SYN2: variants seen among roughly 807,000 people sequenced by gnomAD.
SYN2 encodes the protein synapsin II, also known as synapsin-2.
In SYN2, 19 loss-of-function variants were observed where a neutral mutation model predicts 50.9. That is an observed-to-expected ratio of 0.37 (90% CI 0.26 to 0.55). The LOEUF (loss-of-function observed/expected upper bound fraction) is 0.55. Ranked by LOEUF, SYN2 falls within the 20% of genes least tolerant of loss-of-function variation. The probability of loss-of-function intolerance (pLI) is 0.81; values close to 1 mark genes in which losing one functional copy is unlikely to be tolerated. For synonymous variants in SYN2, 255 were observed against 224.9 expected (o/e 1.13, Z -1.20); for missense variants, 587 against 576.4 (o/e 1.02, Z -0.19).
chr3:12,157,378 C>T (rs1559445073), intron 5 of SYN2: 1 of 1,613,856 alleles, frequency 6.2e-7, no homozygotes, highest in Non-Finnish European at 8.5e-7. Flanking sequence ...AGCCTGCCCC[C>T]ATGTACCTTT....
intron 1 of SYN2, 127 bp from the exon 2 acceptor site, chr3:12,140,524 A>G: frequency 1.4e-6 from 1 of 698,356 alleles, no homozygotes; most frequent in Non-Finnish European, 2.7e-6. Context: ...AATGTGGATC[A>G]GAACCCAGGT....
intron 1 of SYN2, among the ~76,000 whole-genome samples, chr3:12,069,762 C>T (rs1695303131): frequency 2.0e-5 from 3 of 151,502 alleles, no homozygotes; most frequent in Admixed American, 2.0e-4. Flanking sequence ...TATATTTATC[C>T]TACTGGGTGT....
At chr3:12,023,221 C>T (rs1399746471) in intron 1 of SYN2, among the ~76,000 whole-genome samples, 1 of 152,074 alleles carries the variant, frequency 6.6e-6, no homozygotes, top group Non-Finnish European at 1.5e-5. Flanking sequence ...AAATCATTGT[C>T]ATCACCATCA....
intron 1 of SYN2, among the ~76,000 whole-genome samples, chr3:12,008,665 C>T (rs1693851345): frequency 6.6e-6 from 1 of 152,170 alleles, no homozygotes; most frequent in East Asian, 1.9e-4. Flanking sequence ...CAACATATGC[C>T]AGATTTACTA....
At chr3:12,127,085 G>A (rs551231953) in intron 1 of SYN2, among the ~76,000 whole-genome samples, 1 of 152,256 alleles carries the variant, frequency 6.6e-6, no homozygotes, top group East Asian at 1.9e-4. Context: ...CATTACAACA[G>A]CACTACATAA....
intron 1 of SYN2, among the ~76,000 whole-genome samples, chr3:12,033,463 A>C (rs536154314): frequency 2.0e-4 from 30 of 152,242 alleles, no homozygotes; most frequent in Non-Finnish European, 4.0e-4. Context: ...TGTGAGGCAG[A>C]CTAGGGTACG....
At chr3:12,088,046 C>G (rs1242355876) in intron 1 of SYN2, among the ~76,000 whole-genome samples, 2 of 152,010 alleles carry the variant, frequency 1.3e-5, no homozygotes, top group Non-Finnish European at 2.9e-5. Flanking sequence ...GCGCAGGCAA[C>G]AAAAGCAAAA....
chr3:12,113,365 C>T (rs1030431671), intron 1 of SYN2, among the ~76,000 whole-genome samples: 1 of 151,392 alleles, frequency 6.6e-6, no homozygotes, highest in African/African-American at 2.4e-5. Context: ...ATGTAAAAGC[C>T]CTTAAAAAAG....
At chr3:12,055,022 T>C (rs908502026) in intron 1 of SYN2, among the ~76,000 whole-genome samples, 7 of 152,120 alleles carry the variant, frequency 4.6e-5, no homozygotes, top group Non-Finnish European at 1.0e-4. Context: ...GAGATCTGAA[T>C]GCCAAAATTA....
intron 10 of SYN2, among the ~76,000 whole-genome samples, chr3:12,175,305 A>T (rs996287368): frequency 7.2e-5 from 11 of 152,204 alleles, no homozygotes; most frequent in African/African-American, 2.7e-4. Context: ...TATTGGATTG[A>T]TGTCAGGATC....
intron 2 of SYN2, among the ~76,000 whole-genome samples, 170 bp downstream of exon 2, chr3:12,140,878 G>A (rs1697003349): frequency 6.6e-6 from 1 of 152,112 alleles, no homozygotes; most frequent in Non-Finnish European, 1.5e-5. Flanking sequence ...TGTCTGTGAG[G>A]CATGGTCCTG....
chr3:12,093,554 G>T (rs1367494591), intron 1 of SYN2, among the ~76,000 whole-genome samples: 1 of 152,142 alleles, frequency 6.6e-6, no homozygotes, highest in Admixed American at 6.5e-5. Flanking sequence ...TTAATAATGG[G>T]CTTAAATTTT....
chr3:12,004,863 TC>T lies in SYN2; in HGVS notation c.315del (p.Ala106ArgfsTer96). 1.8e-6 allele frequency: 1 copy of T among 562,118 alleles called. No individual in the cohort carries two copies. Among genetic ancestry groups the T allele is most frequent in the South Asian group, 2.1e-5 (1 of 47,850 alleles). 34.8% of individuals were successfully genotyped at this position (562,118 alleles called of 1,614,324 possible). On this transcript the variant is annotated frameshift_variant, in exon 1 of 13. Transcript: ENST00000621198. LOFTEE classifies it high-confidence loss of function. Reference protein sequence around the residue: ...ASAGLVDAPAPAPAAARKAKV... With the variant: ...ASAGLVDAPAXAPAAARKAKV... The stretch of plus-strand genomic sequence containing the variant: ...CGGCTGGCCTGGTGGACGCGCCCGC[TC>T]CCGCGCCCGCAGCCGCCAGGAAGGC...
intron 11 of SYN2, chr3:12,185,039 T>A: frequency 1.0e-6 from 1 of 985,884 alleles, no homozygotes; most frequent in Non-Finnish European, 1.2e-6. Context: ...CTCCTTTGAT[T>A]GCTGGTAAAT....
intron 7 of SYN2, 138 bp downstream of exon 7, chr3:12,162,292 G>A: frequency 1.9e-6 from 2 of 1,049,916 alleles, no homozygotes; most frequent in Non-Finnish European, 2.7e-6. Flanking sequence ...TTAAGTCAGA[G>A]GAGGGGTCTG....
At chr3:12,061,780 A>G (rs1695117431) in intron 1 of SYN2, among the ~76,000 whole-genome samples, 1 of 152,048 alleles carries the variant, frequency 6.6e-6, no homozygotes, top group African/African-American at 2.4e-5. Context: ...TTACAACAGC[A>G]CCACAAAAAA....
intron 1 of SYN2, among the ~76,000 whole-genome samples, chr3:12,040,095 G>A (rs188105541): frequency 6.6e-6 from 1 of 152,322 alleles, no homozygotes; most frequent in African/African-American, 2.4e-5. Context: ...TGATTTGGGA[G>A]ATTTGTGTCC....
intron 1 of SYN2, among the ~76,000 whole-genome samples, chr3:12,039,011 C>T (rs531631187): frequency 6.6e-6 from 1 of 152,186 alleles, no homozygotes; most frequent in Admixed American, 6.5e-5. Context: ...AAGCTTTCAG[C>T]CTTTCACTAT....
At chr3:12,107,165 ATATCCAGCAGAAG>A (rs1255387689) in intron 1 of SYN2, among the ~76,000 whole-genome samples, 1 of 152,226 alleles carries the variant, frequency 6.6e-6, no homozygotes, top group Non-Finnish European at 1.5e-5. Flanking sequence ...TTGATTTCAG[ATATCCAGCAGAAG>A]TATTCCAGCT....
Sources: gnomAD v4.1 joint callset for allele counts (sites outside exome capture counted in the v4.1 genomes callset) on GRCh38, gnomAD v4.1.1 for gene constraint, MANE v1.5 for transcripts, NCBI Gene and HGNC (gene_info 2026-07-23, HGNC 2026-07-21) for gene names.